The following CPLX1 variants were observed in gnomAD, a reference collection of about 807,000 sequenced individuals.
CPLX1 encodes the protein complexin-1.
In CPLX1, 6 loss-of-function variants were observed where a neutral mutation model predicts 15.6. The observed-to-expected ratio is 0.39, with a 90% CI of 0.21 to 0.76. The LOEUF (loss-of-function observed/expected upper bound fraction) is 0.76. CPLX1 is among the 30% of genes least tolerant of loss of function. The probability of loss-of-function intolerance (pLI) is 0.43; values close to 1 mark genes in which losing one functional copy is unlikely to be tolerated. For synonymous variants in CPLX1, 91 were observed against 75.2 expected (o/e 1.21, Z -1.08); for missense variants, 242 against 188.6 (o/e 1.28, Z -1.66).
chr4:824,939 A>G, intron 1 of CPLX1: 1 of 373,098 alleles, frequency 2.7e-6, no homozygotes, highest in South Asian at 2.1e-5. Flanking sequence ...TCCGCTCTGC[A>G]GCTCAGTGTC....
chr4:791,439 C>T (rs1021645613), intron 3 of CPLX1, among the ~76,000 whole-genome samples: 1 of 152,126 alleles, frequency 6.6e-6, no homozygotes, highest in Non-Finnish European at 1.5e-5. Flanking sequence ...CTGCATGTGC[C>T]GCACCTGCCC....
chr4:825,797 C>G (rs1438821175), intron 1 of CPLX1, among the ~76,000 whole-genome samples: 4 of 115,010 alleles, frequency 3.5e-5, no homozygotes, highest in African/African-American at 1.3e-4. Flanking sequence ...GGGGGAGAAA[C>G]GGGGGCCGGA....
intron 2 of CPLX1, among the ~76,000 whole-genome samples, chr4:794,851 C>G (rs1164823851): frequency 6.6e-6 from 1 of 152,224 alleles, no homozygotes. Context: ...CTTCCCTCCC[C>G]TCCAGCTGAT....
chr4:787,254 G>C (rs1324594314), intron 3 of CPLX1: 45 of 985,338 alleles, frequency 4.6e-5, no homozygotes, highest in Non-Finnish European at 1.2e-6. Flanking sequence ...CCTGGGCTGC[G>C]GTCACTTCCA....
intron 3 of CPLX1, among the ~76,000 whole-genome samples, chr4:790,107 TC>T (rs1355612250): frequency 2.6e-5 from 4 of 151,838 alleles, no homozygotes; most frequent in Admixed American, 2.0e-4. Context: ...AGGGCGGGGT[TC>T]CCCCACCCCA....
chr4:805,348 T>C (rs1746537808), intron 2 of CPLX1, among the ~76,000 whole-genome samples: 1 of 152,212 alleles, frequency 6.6e-6, no homozygotes, highest in Admixed American at 6.5e-5. Context: ...AGGTGTTCCT[T>C]TGAAGCTCTC....
intron 2 of CPLX1, among the ~76,000 whole-genome samples, chr4:799,051 T>C (rs1746401672): frequency 6.6e-6 from 1 of 152,228 alleles, no homozygotes; most frequent in African/African-American, 2.4e-5. Context: ...CCATGGCCCT[T>C]GTTATAATGT....
At chr4:824,945 G>C (rs1746948636) in intron 1 of CPLX1, 1 of 370,116 alleles carries the variant, frequency 2.7e-6, no homozygotes, top group African/African-American at 2.1e-5. Context: ...CTGCAGCTCA[G>C]TGTCTGGAGC....
intron 2 of CPLX1, among the ~76,000 whole-genome samples, chr4:814,549 G>A (rs1031926055): frequency 2.0e-5 from 3 of 152,172 alleles, no homozygotes; most frequent in African/African-American, 4.8e-5. Flanking sequence ...CATGCGACCC[G>A]GAGATGGAGG....
At chr4:819,728 G>A (rs1344994621) in intron 2 of CPLX1, among the ~76,000 whole-genome samples, 3 of 152,218 alleles carry the variant, frequency 2.0e-5, no homozygotes, top group Non-Finnish European at 4.4e-5. Context: ...TCTTCTAGCT[G>A]TGGCAAGTAA....
intron 2 of CPLX1, 42 bp downstream of exon 2, chr4:824,450 A>AT (rs770523524): frequency 1.9e-6 from 3 of 1,574,202 alleles, no homozygotes; most frequent in Non-Finnish European, 1.7e-6. Flanking sequence ...TGGTCTCTCC[A>AT]TGTCCCCTCA....
chr4:823,466 C>T (rs28733317), intron 2 of CPLX1, among the ~76,000 whole-genome samples: 2,876 of 152,322 alleles, frequency 0.019, 84 homozygotes, highest in African/African-American at 0.065. Flanking sequence ...TGCAGAAATG[C>T]TCCCAGGAGG....
intron 2 of CPLX1, among the ~76,000 whole-genome samples, chr4:818,260 G>C (rs990745883): frequency 1.3e-5 from 2 of 152,200 alleles, no homozygotes; most frequent in Non-Finnish European, 2.9e-5. Flanking sequence ...GGCCATGCCC[G>C]CCTGACCTGC....
chr4:814,600 G>A (rs1223261969), intron 2 of CPLX1, among the ~76,000 whole-genome samples: 1 of 152,226 alleles, frequency 6.6e-6, no homozygotes, highest in Non-Finnish European at 1.5e-5. Flanking sequence ...GCCAGGATCT[G>A]TAGCAAAAAT....
chr4:792,339 C>A (rs909997470), intron 3 of CPLX1, 94 bp downstream of exon 3: 1 of 1,228,482 alleles, frequency 8.1e-7, no homozygotes, highest in Non-Finnish European at 1.1e-6. Flanking sequence ...GACGCCCGCC[C>A]CTCTTCCGGG....
At chr4:786,933 G>T (rs140555829) in intron 3 of CPLX1, 2 of 979,614 alleles carry the variant, frequency 2.0e-6, no homozygotes, top group Middle Eastern at 5.2e-4. Flanking sequence ...GGAGCAGGGA[G>T]GGGGAGGCTC....
At chr4:824,181 C>T (rs967846859) in intron 2 of CPLX1, among the ~76,000 whole-genome samples, 1 of 152,226 alleles carries the variant, frequency 6.6e-6, no homozygotes, top group Admixed American at 6.5e-5. Context: ...GAGTGTGCAC[C>T]CTCCCCCAGG....
At chr4:791,279 G>A (rs1746167322) in intron 3 of CPLX1, among the ~76,000 whole-genome samples, 1 of 151,764 alleles carries the variant, frequency 6.6e-6, no homozygotes, top group East Asian at 1.9e-4. Context: ...GTGACCCTGG[G>A]TGGGATGCCA....
chr4:800,973 T>A (rs1170427856), intron 2 of CPLX1, among the ~76,000 whole-genome samples: 1 of 145,010 alleles, frequency 6.9e-6, no homozygotes, highest in Admixed American at 6.8e-5. Flanking sequence ...GCCAAGATCG[T>A]GCCACTGCAC....
Sources: gnomAD v4.1 joint callset for allele counts (sites outside exome capture counted in the v4.1 genomes callset) on GRCh38, gnomAD v4.1.1 for gene constraint, MANE v1.5 for transcripts, NCBI Gene and HGNC (gene_info 2026-07-23, HGNC 2026-07-21) for gene names.